Variants in PTPRM observed in about 807,000 individuals in gnomAD.
PTPRM encodes receptor-type tyrosine-protein phosphatase mu.
Under a neutral mutation model 186.7 loss-of-function variants are expected in PTPRM, and 47 were observed. The observed-to-expected ratio is 0.25, with a 90% CI of 0.20 to 0.32. The LOEUF (loss-of-function observed/expected upper bound fraction) is 0.32. Among genes scored for constraint, PTPRM ranks in the 10% least tolerant of loss-of-function variants. PTPRM has a pLI of 1.00. For synonymous variants in PTPRM, 668 were observed against 674.9 expected, an observed-to-expected ratio of 0.99 and a Z score of 0.16; for missense variants, 1,494 against 1,865.0, an observed-to-expected ratio of 0.80 and a Z score of 3.66.
intron 22 of PTPRM, among the ~76,000 whole-genome samples, chr18:8,325,635 A>G (rs1003977107): frequency 1.1e-4 from 16 of 152,152 alleles, no homozygotes; most frequent in African/African-American, 2.4e-4. Flanking sequence ...ACATGTATGT[A>G]TGTATCTGAA....
chr18:7,793,024 C>T (rs2043422622), intron 2 of PTPRM, among the ~76,000 whole-genome samples: 1 of 152,182 alleles, frequency 6.6e-6, no homozygotes, highest in South Asian at 2.1e-4. Flanking sequence ...TTTCTGCAGA[C>T]TCTGCAAGGA....
At chr18:7,612,838 A>G (rs2037708869) in intron 1 of PTPRM, among the ~76,000 whole-genome samples, 2 of 152,206 alleles carry the variant, frequency 1.3e-5, no homozygotes, top group South Asian at 4.1e-4. Context: ...TTGTAAAATA[A>G]CATGTAACTA....
chr18:8,333,735 T>C (rs1016978089), intron 22 of PTPRM, among the ~76,000 whole-genome samples: 1 of 152,174 alleles, frequency 6.6e-6, no homozygotes, highest in Admixed American at 6.5e-5. Context: ...CCATCTTCAT[T>C]GCTGATGGAG....
At chr18:8,013,763 A>G (rs553728096) in intron 7 of PTPRM, among the ~76,000 whole-genome samples, 1 of 152,298 alleles carries the variant, frequency 6.6e-6, no homozygotes, top group East Asian at 1.9e-4. Flanking sequence ...ATGACCATGT[A>G]CTCATTTTGG....
chr18:8,158,383 AG>A (rs2146312970), intron 14 of PTPRM, among the ~76,000 whole-genome samples: 1 of 152,320 alleles, frequency 6.6e-6, no homozygotes, highest in East Asian at 1.9e-4. Context: ...CTAGTTCATA[AG>A]AGCGTTAAAA....
At chr18:7,582,847 T>C (rs777125071) in intron 1 of PTPRM, among the ~76,000 whole-genome samples, 5 of 152,206 alleles carry the variant, frequency 3.3e-5, no homozygotes, top group Non-Finnish European at 5.9e-5. Context: ...TCAAATAATA[T>C]GAATTTTTTT....
intron 2 of PTPRM, among the ~76,000 whole-genome samples, chr18:7,886,309 G>A (rs948338354): frequency 2.0e-5 from 3 of 152,180 alleles, no homozygotes; most frequent in African/African-American, 7.2e-5. Flanking sequence ...TTTTACATTT[G>A]TAAACAGTAA....
chr18:8,384,812 A>G, intron 30 of PTPRM, 126 bp downstream of exon 30: 2 of 1,194,984 alleles, frequency 1.7e-6, no homozygotes, highest in East Asian at 2.4e-5. Flanking sequence ...GTGAACCAAA[A>G]AAACATAGAT....
At position 8,378,252 on chromosome 18, in the gene PTPRM, TCTC is replaced by T. The variant is rs773328416; in HGVS notation, c.3463-10_3463-8del. ...TCTCTAAAGTTAGTAACTCGTTCCA[TCTC>T]CTTCTCCAGGAGCAGTATGTGTTTA... On this transcript the variant is annotated splice_polypyrimidine_tract_variant and intron_variant, in intron 26 of 32. Coordinates refer to ENST00000580170, the MANE Select transcript of PTPRM (RefSeq NM_001105244.2). The T allele has an allele frequency of 1.2e-6, 2 of 1,604,106 alleles. No individual in the cohort carries two copies. Among genetic ancestry groups the T allele is most frequent in the Non-Finnish European group, 1.7e-6 (2 of 1,171,996 alleles).
chr18:7,966,821 G>C (rs1224065464), intron 7 of PTPRM, among the ~76,000 whole-genome samples: 7 of 130,742 alleles, frequency 5.4e-5, no homozygotes, highest in Non-Finnish European at 1.1e-4. Context: ...ACGGAGTCTC[G>C]CTGATTGCCA....
At chr18:8,231,465 T>C (rs2094285559) in intron 14 of PTPRM, among the ~76,000 whole-genome samples, 1 of 152,198 alleles carries the variant, frequency 6.6e-6, no homozygotes, top group Non-Finnish European at 1.5e-5. Flanking sequence ...CCTGCAGCTC[T>C]CCCATAGGAC....
At chr18:7,792,316 AT>A (rs2043380695) in intron 2 of PTPRM, among the ~76,000 whole-genome samples, 1 of 152,072 alleles carries the variant, frequency 6.6e-6, no homozygotes, top group African/African-American at 2.4e-5. Flanking sequence ...GGGAGATGTG[AT>A]TTATTTTAGA....
At chr18:7,709,063 T>C (rs2144766196) in intron 1 of PTPRM, among the ~76,000 whole-genome samples, 1 of 152,294 alleles carries the variant, frequency 6.6e-6, no homozygotes, top group Non-Finnish European at 1.5e-5. Context: ...TCTACTTTTA[T>C]ATTTCACACT....
chr18:7,972,618 A>G (rs897460636), intron 7 of PTPRM, among the ~76,000 whole-genome samples: 8 of 151,634 alleles, frequency 5.3e-5, no homozygotes, highest in Non-Finnish European at 8.8e-5. Flanking sequence ...ATGTATTGCT[A>G]TTTTGCTATT....
In PTPRM at chr18:8,022,590, G is replaced by A. The variant is rs576566536; in HGVS notation, c.1133-47096G>A. Among the ~76,000 whole-genome samples the A allele has an allele frequency of 8.5e-5, 13 of 152,226 alleles. No homozygotes were observed. The South Asian group carries it at 1.2e-3, about 15-fold the overall frequency. Reference sequence around the variant, plus strand: ...AAACCATAACAGGTCTCCACCCACCGTTATTAAATCATGCATATGGTTAGG... The same window carrying A: ...AAACCATAACAGGTCTCCACCCACCATTATTAAATCATGCATATGGTTAGG... On this transcript the variant is annotated intron_variant, in intron 7 of 32. Transcript: ENST00000580170.
At chr18:7,571,464 C>T (rs2036565040) in intron 1 of PTPRM, among the ~76,000 whole-genome samples, 1 of 152,136 alleles carries the variant, frequency 6.6e-6, no homozygotes. Context: ...GACCCAATTT[C>T]TTAAAAGCCA....
chr18:7,732,143 A>T (rs2027670), intron 1 of PTPRM, among the ~76,000 whole-genome samples: 1 of 151,970 alleles, frequency 6.6e-6, no homozygotes, highest in Admixed American at 6.5e-5. Flanking sequence ...AAGGAAAAGG[A>T]GTACACAGGT....
chr18:8,001,727 T>G (rs1356557031), intron 7 of PTPRM, among the ~76,000 whole-genome samples: 1 of 152,186 alleles, frequency 6.6e-6, no homozygotes, highest in Non-Finnish European at 1.5e-5. Context: ...AAAAAGCCAG[T>G]TGATAGTTTT....
chr18:8,314,935 T>A, intron 21 of PTPRM, 78 bp downstream of exon 21: 1 of 879,232 alleles, frequency 1.1e-6, no homozygotes, highest in Non-Finnish European at 1.8e-6. Flanking sequence ...TTGATACATG[T>A]ATACAATGCA....
Sources: gnomAD v4.1 joint callset for allele counts (sites outside exome capture counted in the v4.1 genomes callset) on GRCh38, gnomAD v4.1.1 for gene constraint, MANE v1.5 for transcripts, NCBI Gene and HGNC (gene_info 2026-07-23, HGNC 2026-07-21) for gene names.